Variants in CLNK observed in about 807,000 individuals in gnomAD.
The protein encoded by CLNK is cytokine-dependent hematopoietic cell linker.
In CLNK, 74 loss-of-function variants were observed where a neutral mutation model predicts 68.6. The ratio of observed to expected loss-of-function variants is 1.08; its 90% CI spans 0.89 to 1.31. The LOEUF (loss-of-function observed/expected upper bound fraction) is 1.31. Ranked by LOEUF, CLNK falls within the 50% of genes most tolerant of loss-of-function variation. The pLI, the probability that CLNK is intolerant of heterozygous loss-of-function variation, is 0.00. For synonymous variants in CLNK, 198 were observed against 172.2 expected, an observed-to-expected ratio of 1.15 and a Z score of -1.17; for missense variants, 553 against 515.3, an observed-to-expected ratio of 1.07 and a Z score of -0.71.
intron 2 of CLNK, among the ~76,000 whole-genome samples, chr4:10,666,446 G>T (rs201255784): frequency 6.6e-6 from 1 of 152,198 alleles, no homozygotes. Context: ...AGCTCACCTG[G>T]ATTGACATCA....
chr4:10,600,690 T>G (rs1442872373), intron 2 of CLNK, among the ~76,000 whole-genome samples: 1 of 152,158 alleles, frequency 6.6e-6, no homozygotes, highest in Admixed American at 6.5e-5. Flanking sequence ...TGCAAATACA[T>G]AAATAACTTG....
intron 2 of CLNK, among the ~76,000 whole-genome samples, chr4:10,666,097 C>A (rs147008860): frequency 6.6e-6 from 1 of 152,104 alleles, no homozygotes; most frequent in African/African-American, 2.4e-5. Flanking sequence ...GATGCGGCCA[C>A]GGGCAAGGAA....
intron 18 of CLNK, among the ~76,000 whole-genome samples, chr4:10,498,149 C>A (rs190813879): frequency 2.6e-5 from 4 of 151,624 alleles, no homozygotes; most frequent in South Asian, 2.1e-4. Flanking sequence ...GAGCCAAGAT[C>A]ACGCCATTGC....
intron 2 of CLNK, among the ~76,000 whole-genome samples, chr4:10,609,409 C>T (rs546892087): frequency 3.6e-4 from 55 of 152,364 alleles, no homozygotes; most frequent in Non-Finnish European, 2.1e-4. Context: ...TGTCTTCTAG[C>T]TTCTTCTGAC....
At chr4:10,651,508 T>C (rs1194007035) in intron 2 of CLNK, among the ~76,000 whole-genome samples, 1 of 152,200 alleles carries the variant, frequency 6.6e-6, no homozygotes, top group Non-Finnish European at 1.5e-5. Context: ...TGGGAACACA[T>C]GGACACAGGG....
At chr4:10,579,843 A>G (rs933223820) in intron 4 of CLNK, among the ~76,000 whole-genome samples, 1 of 152,198 alleles carries the variant, frequency 6.6e-6, no homozygotes, top group Non-Finnish European at 1.5e-5. Flanking sequence ...GCATATTAAA[A>G]GGCTAGGGTA....
chr4:10,729,850 A>G, the CLNK span, among the ~76,000 whole-genome samples: 1 of 152,262 alleles, frequency 6.6e-6, no homozygotes, highest in Non-Finnish European at 1.5e-5. Flanking sequence ...TGTTTAAGGT[A>G]TAATTCTTGC....
chr4:10,618,434 A>G (rs1209924017), intron 2 of CLNK, among the ~76,000 whole-genome samples: 4 of 152,228 alleles, frequency 2.6e-5, no homozygotes, highest in Admixed American at 2.6e-4. Flanking sequence ...ATCTTCCGAA[A>G]CTGATTTATA....
rs5856062 is a variant in CLNK at position 10,578,579 on chromosome 4, C to CTTTTTTT, written c.112+6341_112+6347dup. Among the ~76,000 whole-genome samples the CTTTTTTT allele has an allele frequency of 2.4e-3, 108 of 44,922 alleles. 2 individuals carry two copies. The highest frequency in any genetic ancestry group is 3.7e-3 in the South Asian group (3 of 816). The allele number at this position is 44,922 out of a possible 152,430, so 29.5% of individuals were successfully genotyped here. On this transcript the variant is annotated intron_variant, in intron 4 of 18. Transcript: ENST00000226951. ...TTCTCTTGGACTTGGCTTACCTTAT[C>CTTTTTTT]TTTTTTTTTTTTTTTTTTTTTTTTT...
At chr4:10,707,510 C>G in the CLNK span, among the ~76,000 whole-genome samples, 1 of 152,202 alleles carries the variant, frequency 6.6e-6, no homozygotes, top group African/African-American at 2.4e-5. Context: ...TGTGGGTATT[C>G]CCCCTTTTTA....
At chr4:10,516,412 A>C (rs1717837526) in intron 15 of CLNK, among the ~76,000 whole-genome samples, 1 of 152,232 alleles carries the variant, frequency 6.6e-6, no homozygotes, top group African/African-American at 2.4e-5. Flanking sequence ...ATTAAACATT[A>C]GCAAATACAT....
chr4:10,523,190 G>T (rs566546732), intron 14 of CLNK, among the ~76,000 whole-genome samples: 1 of 152,310 alleles, frequency 6.6e-6, no homozygotes, highest in South Asian at 2.1e-4. Context: ...AGTGACGATG[G>T]GAAAGAGAGC....
chr4:10,723,052 A>C, the CLNK span, among the ~76,000 whole-genome samples: 3 of 152,122 alleles, frequency 2.0e-5, no homozygotes, highest in African/African-American at 7.2e-5. Context: ...TTAAAAAAAA[A>C]AACAACCCCT....
At chr4:10,541,092 T>C (rs1002974458) in intron 10 of CLNK, among the ~76,000 whole-genome samples, 3 of 151,616 alleles carry the variant, frequency 2.0e-5, no homozygotes, top group African/African-American at 7.3e-5. Flanking sequence ...CATGCACCTG[T>C]AATCCCAGCT....
intron 1 of CLNK, among the ~76,000 whole-genome samples, chr4:10,672,383 C>G (rs4582144): frequency 6.6e-6 from 1 of 151,884 alleles, no homozygotes; most frequent in Admixed American, 6.5e-5. Flanking sequence ...TCTGAGCCTC[C>G]GTGTGCTTAT....
intron 2 of CLNK, among the ~76,000 whole-genome samples, chr4:10,615,828 A>G (rs1722208451): frequency 6.6e-6 from 1 of 152,218 alleles, no homozygotes; most frequent in Non-Finnish European, 1.5e-5. Context: ...GTTCTGGTAA[A>G]GCCTGAAACA....
At chr4:10,525,592 G>T (rs1186663922) in intron 14 of CLNK, among the ~76,000 whole-genome samples, 1 of 152,026 alleles carries the variant, frequency 6.6e-6, no homozygotes, top group Non-Finnish European at 1.5e-5. Flanking sequence ...AATCCTATCT[G>T]GTTAATATTT....
chr4:10,517,802 C>T (rs16869430), intron 15 of CLNK, among the ~76,000 whole-genome samples: 68,594 of 151,902 alleles, frequency 0.45, 15,777 homozygotes, highest in Non-Finnish European at 0.5. Context: ...TTGGAAACAG[C>T]TATGCATTTG....
chr4:10,670,931 G>A (rs1173617034), intron 1 of CLNK, among the ~76,000 whole-genome samples: 1 of 152,140 alleles, frequency 6.6e-6, no homozygotes, highest in Admixed American at 6.5e-5. Flanking sequence ...GTAAACCTCT[G>A]TATATTATTT....
Sources: gnomAD v4.1 joint callset for allele counts (sites outside exome capture counted in the v4.1 genomes callset) on GRCh38, gnomAD v4.1.1 for gene constraint, MANE v1.5 for transcripts, NCBI Gene and HGNC (gene_info 2026-07-23, HGNC 2026-07-21) for gene names.